Variants in AK9 observed in about 807,000 individuals in gnomAD.
The protein encoded by AK9 is adenylate kinase domain containing 1.
Under a neutral mutation model 239.6 loss-of-function variants are expected in AK9, and 191 were observed. The observed-to-expected ratio is 0.80, with a 90% CI of 0.71 to 0.90. The LOEUF (loss-of-function observed/expected upper bound fraction) is 0.90, where lower values mean the gene tolerates loss of function less well. Ranked by LOEUF, AK9 falls within the 40% of genes least tolerant of loss-of-function variation. The pLI is 0.00. For synonymous variants in AK9, 689 were observed against 721.0 expected (o/e 0.96, Z 0.71); for missense variants, 1,995 against 2,214.7 (o/e 0.90, Z 1.99).
intron 32 of AK9, among the ~76,000 whole-genome samples, chr6:109,513,941 A>G (rs1344088755): frequency 2.0e-5 from 3 of 152,210 alleles, no homozygotes; most frequent in Non-Finnish European, 4.4e-5. Context: ...AGGAGAAGTC[A>G]GTTTCTTCAT....
chr6:109,598,851 T>C (rs1319088950), intron 17 of AK9, among the ~76,000 whole-genome samples: 2 of 152,268 alleles, frequency 1.3e-5, no homozygotes, highest in African/African-American at 4.8e-5. Context: ...TTCATGTGTC[T>C]GTTGGCTGCA....
intron 27 of AK9, among the ~76,000 whole-genome samples, chr6:109,537,688 T>C (rs1782222930): frequency 6.6e-6 from 1 of 152,072 alleles, no homozygotes; most frequent in African/African-American, 2.4e-5. Flanking sequence ...TTCTTTAAAT[T>C]GTGATGATAG....
chr6:109,543,987 T>C (rs1238256793), intron 26 of AK9, among the ~76,000 whole-genome samples: 1 of 151,838 alleles, frequency 6.6e-6, no homozygotes, highest in Non-Finnish European at 1.5e-5. Context: ...GGCATGGTGG[T>C]GCATGCCTGC....
intron 27 of AK9, among the ~76,000 whole-genome samples, chr6:109,534,851 C>A (rs1173447913): frequency 3.3e-5 from 5 of 151,862 alleles, no homozygotes; most frequent in Non-Finnish European, 1.5e-5. Context: ...TGAGAATATG[C>A]GGTGTTTGGT....
intron 19 of AK9, among the ~76,000 whole-genome samples, chr6:109,583,666 T>G (rs1789133045): frequency 6.6e-6 from 1 of 151,992 alleles, no homozygotes; most frequent in South Asian, 2.1e-4. Context: ...AAATTTAGAA[T>G]CAAAAGAAGT....
chr6:109,497,362 A>C (rs34249116), intron 38 of AK9, 103 bp downstream of exon 38: 1 of 496,030 alleles, frequency 2.0e-6, no homozygotes, highest in Non-Finnish European at 3.6e-6. Flanking sequence ...ACACACACAC[A>C]CTCTCTCTCT....
At position 109,500,034 on chromosome 6, in the gene AK9, T is replaced by C. The variant is rs112325292; in HGVS notation, c.4850-794A>G. Reference sequence around the variant, plus strand: ...TAGCTATTATAGACTATATATATGATACACACACACACACACACACACACA... The same window carrying C: ...TAGCTATTATAGACTATATATATGACACACACACACACACACACACACACA... On this transcript the variant is annotated intron_variant, in intron 35 of 40. Transcript: ENST00000424296. Among the ~76,000 whole-genome samples, 410 of 141,468 alleles carry C rather than the reference T, an allele frequency of 2.9e-3. 4 individuals carry two copies. The highest frequency in any genetic ancestry group is 8.3e-3 in the African/African-American group (314 of 37,992). 92.8% of individuals were successfully genotyped at this position (141,468 alleles called of 152,430 possible).
At chr6:109,647,601 G>A (rs1798253767) in intron 8 of AK9, among the ~76,000 whole-genome samples, 1 of 152,158 alleles carries the variant, frequency 6.6e-6, no homozygotes. Flanking sequence ...AGTCCTTAGT[G>A]ACTTACAAAG....
chr6:109,539,248 C>T (rs956087872), intron 27 of AK9, among the ~76,000 whole-genome samples: 7 of 152,292 alleles, frequency 4.6e-5, no homozygotes, highest in Non-Finnish European at 7.4e-5. Flanking sequence ...ACCAATCAGA[C>T]GTAGATTTGG....
intron 8 of AK9, among the ~76,000 whole-genome samples, chr6:109,655,811 A>T (rs967349511): frequency 5.9e-5 from 9 of 152,228 alleles, no homozygotes; most frequent in African/African-American, 1.9e-4. Context: ...GAAGGAAGAA[A>T]GGATGTTATT....
At chr6:109,630,370 T>C (rs528012378) in intron 12 of AK9, among the ~76,000 whole-genome samples, 1 of 152,346 alleles carries the variant, frequency 6.6e-6, no homozygotes, top group East Asian at 1.9e-4. Context: ...GATGCTATCC[T>C]AGTTAAAATC....
rs1389852398 is a variant in AK9 at position 109,575,331 on chromosome 6, G to T, written c.2192-1737C>A. Among the ~76,000 whole-genome samples the T allele has an allele frequency of 3.3e-5, 5 of 151,972 alleles. No individual in the cohort carries two copies. The South Asian group carries it at 1.0e-3, about 31-fold the overall frequency. On this transcript the variant is annotated intron_variant, in intron 20 of 40. Coordinates refer to ENST00000424296, the MANE Select transcript of AK9 (RefSeq NM_001145128.3). ...ACTGTTTCCCTTTCATCACATCCAT[G>T]CCAACATCTATTATTTTTTGATTTT...
intron 8 of AK9, among the ~76,000 whole-genome samples, chr6:109,650,107 T>C (rs534691808): frequency 6.6e-6 from 1 of 152,308 alleles, no homozygotes; most frequent in Admixed American, 6.5e-5. Context: ...AAGACTTAAA[T>C]GTTAGACCTA....
intron 8 of AK9, among the ~76,000 whole-genome samples, chr6:109,650,483 A>T (rs1181289219): frequency 6.6e-6 from 1 of 151,782 alleles, no homozygotes; most frequent in Non-Finnish European, 1.5e-5. Flanking sequence ...TGAAAAAATG[A>T]TCATCATCAC....
chr6:109,606,947 T>C (rs1386352534), intron 17 of AK9, among the ~76,000 whole-genome samples: 3 of 152,212 alleles, frequency 2.0e-5, no homozygotes, highest in Non-Finnish European at 4.4e-5. Flanking sequence ...TTCTAAAAAA[T>C]TATTTAAAAA....
At chr6:109,511,683 C>T (rs1257031574) in intron 32 of AK9, among the ~76,000 whole-genome samples, 1 of 152,166 alleles carries the variant, frequency 6.6e-6, no homozygotes, top group Non-Finnish European at 1.5e-5. Context: ...CGATGATTGA[C>T]CAGGGACCAC....
intron 5 of AK9, among the ~76,000 whole-genome samples, chr6:109,664,235 A>G (rs1397183438): frequency 2.0e-5 from 3 of 152,168 alleles, no homozygotes; most frequent in African/African-American, 4.8e-5. Context: ...AGCCTCAACA[A>G]TTCTTATTAG....
At chr6:109,527,006 G>T (rs538111177) in intron 29 of AK9, among the ~76,000 whole-genome samples, 1 of 152,216 alleles carries the variant, frequency 6.6e-6, no homozygotes, top group East Asian at 1.9e-4. Flanking sequence ...TCTCCGAGGC[G>T]TAGTCTGACA....
chr6:109,522,678 C>G (rs1335563257), intron 29 of AK9, among the ~76,000 whole-genome samples: 1 of 151,902 alleles, frequency 6.6e-6, no homozygotes, highest in Non-Finnish European at 1.5e-5. Flanking sequence ...CTGGGTTGTC[C>G]ACTTGTTTTA....
Sources: allele counts gnomAD v4.1 joint callset (sites outside exome capture counted in the v4.1 genomes callset), GRCh38; gene constraint gnomAD v4.1.1; transcripts MANE v1.5; gene names NCBI Gene and HGNC (gene_info 2026-07-23, HGNC 2026-07-21).